The following CCDC148 variants were observed in gnomAD, a reference collection of about 807,000 sequenced individuals.
CCDC148 encodes the protein coiled-coil domain containing 148.
In CCDC148, 89 loss-of-function variants were observed where a neutral mutation model predicts 85.7. The ratio of observed to expected loss-of-function variants is 1.04; its 90% CI spans 0.87 to 1.24. The LOEUF (loss-of-function observed/expected upper bound fraction) is 1.24. Ranked by LOEUF, CCDC148 falls within the 50% of genes most tolerant of loss-of-function variation. CCDC148 has a pLI of 0.00. For synonymous variants in CCDC148, 230 were observed against 213.9 expected, an observed-to-expected ratio of 1.08 and a Z score of -0.66; for missense variants, 692 against 671.7, an observed-to-expected ratio of 1.03 and a Z score of -0.33.
chr2:158,430,338 C>T (rs148184137), intron 1 of CCDC148, among the ~76,000 whole-genome samples: 1 of 152,170 alleles, frequency 6.6e-6, no homozygotes, highest in East Asian at 1.9e-4. Context: ...TAGCAGCCTG[C>T]CAAAACAAGG....
intron 1 of CCDC148, chr2:158,424,980 GAT>G: frequency 2.7e-6 from 1 of 369,474 alleles, no homozygotes; most frequent in South Asian, 2.1e-5. Flanking sequence ...AACCCAAAGA[GAT>G]ATAGAAGCTG....
At chr2:158,353,490 A>G (rs1353138288) in intron 2 of CCDC148, among the ~76,000 whole-genome samples, 2 of 151,634 alleles carry the variant, frequency 1.3e-5, no homozygotes, top group South Asian at 2.1e-4. Flanking sequence ...AGGCCATTAC[A>G]TAATGGTAAA....
chr2:158,429,095 T>C (rs186549582), intron 1 of CCDC148, among the ~76,000 whole-genome samples: 1,589 of 151,206 alleles, frequency 0.011, 15 homozygotes, highest in Middle Eastern at 0.024. Context: ...ACGAGAACAC[T>C]TGGACACAGG....
intron 10 of CCDC148, among the ~76,000 whole-genome samples, chr2:158,240,176 G>C (rs905743611): frequency 1.3e-4 from 19 of 151,660 alleles, no homozygotes; most frequent in Admixed American, 7.9e-4. Context: ...TTGGTGTTCA[G>C]AGTGGTTCAA....
intron 1 of CCDC148, among the ~76,000 whole-genome samples, chr2:158,398,285 C>T (rs1685620142): frequency 6.6e-6 from 1 of 152,096 alleles, no homozygotes; most frequent in South Asian, 2.1e-4. Context: ...ACCTAATAGA[C>T]ATCTACAGAA....
intron 2 of CCDC148, among the ~76,000 whole-genome samples, chr2:158,353,506 C>A (rs1041610142): frequency 7.3e-5 from 11 of 151,440 alleles, no homozygotes; most frequent in Non-Finnish European, 1.2e-4. Context: ...GTAAAGGGAT[C>A]AATTCAACAA....
chr2:158,352,534 T>TA (rs1683375098), intron 2 of CCDC148, among the ~76,000 whole-genome samples: 1 of 151,670 alleles, frequency 6.6e-6, no homozygotes, highest in Admixed American at 6.6e-5. Context: ...GAAAAAAGAA[T>TA]AAAAAGAAAT....
At chr2:158,353,539 T>G (rs896514355) in intron 2 of CCDC148, among the ~76,000 whole-genome samples, 2 of 151,802 alleles carry the variant, frequency 1.3e-5, no homozygotes, top group Non-Finnish European at 1.5e-5. Context: ...ATCCTAAATA[T>G]ATATGCACCC....
intron 7 of CCDC148, among the ~76,000 whole-genome samples, chr2:158,331,316 T>C (rs1693102261): frequency 6.6e-6 from 1 of 152,178 alleles, no homozygotes; most frequent in Non-Finnish European, 1.5e-5. Flanking sequence ...GTTGAGCAGT[T>C]TTGAGTGAGT....
chr2:158,352,952 C>T (rs1307095442), intron 2 of CCDC148, among the ~76,000 whole-genome samples: 1 of 150,028 alleles, frequency 6.7e-6, no homozygotes, highest in African/African-American at 2.4e-5. Flanking sequence ...ATTTTCAACC[C>T]AGAATTTCAT....
intron 13 of CCDC148, 78 bp downstream of exon 13, chr2:158,176,443 G>A (rs1274245889): frequency 1.7e-5 from 24 of 1,412,770 alleles, no homozygotes; most frequent in African/African-American, 2.9e-5. Flanking sequence ...GAAAACTGTT[G>A]TAACCCCAAA....
At chr2:158,341,608 C>T (rs1352393959) in intron 3 of CCDC148, among the ~76,000 whole-genome samples, 1 of 146,996 alleles carries the variant, frequency 6.8e-6, no homozygotes, top group African/African-American at 2.5e-5. Flanking sequence ...AGTCACCACA[C>T]CTGGCCTACA....
intron 7 of CCDC148, among the ~76,000 whole-genome samples, chr2:158,318,575 T>C (rs1692386081): frequency 6.6e-6 from 1 of 152,106 alleles, no homozygotes; most frequent in Non-Finnish European, 1.5e-5. Flanking sequence ...CATATTGCTT[T>C]TACTTAGATT....
At chr2:158,434,450 C>A (rs1339613854) in intron 1 of CCDC148, among the ~76,000 whole-genome samples, 1 of 152,120 alleles carries the variant, frequency 6.6e-6, no homozygotes, top group Non-Finnish European at 1.5e-5. Context: ...AAAGGACATC[C>A]ACACCAAAAC....
intron 1 of CCDC148, among the ~76,000 whole-genome samples, chr2:158,385,094 C>G (rs906037076): frequency 1.3e-5 from 2 of 152,154 alleles, no homozygotes; most frequent in Non-Finnish European, 2.9e-5. Flanking sequence ...GTGGCCCTCT[C>G]TATCTTCAAA....
chr2:158,250,681 T>C (rs2105141717), intron 10 of CCDC148, 91 bp downstream of exon 10: 2 of 1,438,270 alleles, frequency 1.4e-6, no homozygotes, highest in South Asian at 3.1e-5. Flanking sequence ...GAACTGCTTA[T>C]GAGAATTTCA....
intron 1 of CCDC148, among the ~76,000 whole-genome samples, chr2:158,398,271 G>A (rs562877072): frequency 1.3e-4 from 20 of 152,152 alleles, no homozygotes; most frequent in African/African-American, 3.9e-4. Flanking sequence ...TCTGGACCAA[G>A]CAGACCTAAT....
intron 1 of CCDC148, among the ~76,000 whole-genome samples, chr2:158,423,090 C>T (rs1686885674): frequency 6.6e-6 from 1 of 152,136 alleles, no homozygotes. Flanking sequence ...AGGACCGAAA[C>T]AAATGGAAGA....
chr2:158,203,307 A>G (rs1686065122), intron 11 of CCDC148, among the ~76,000 whole-genome samples: 1 of 152,202 alleles, frequency 6.6e-6, no homozygotes, highest in Non-Finnish European at 1.5e-5. Context: ...ATAAATGTAT[A>G]TTAGATACTG....
Sources: allele counts gnomAD v4.1 joint callset (sites outside exome capture counted in the v4.1 genomes callset), GRCh38; gene constraint gnomAD v4.1.1; transcripts MANE v1.5; gene names NCBI Gene and HGNC (gene_info 2026-07-23, HGNC 2026-07-21).